RBFOX1: variants seen among roughly 807,000 people sequenced by gnomAD.
The protein encoded by RBFOX1 is RNA binding fox-1 homolog 1.
A neutral mutation model predicts 57.7 loss-of-function variants in RBFOX1; 8 were observed. The ratio of observed to expected loss-of-function variants is 0.14; its 90% CI spans 0.08 to 0.25. The LOEUF (loss-of-function observed/expected upper bound fraction) is 0.25. RBFOX1 is among the 10% of genes least tolerant of loss of function. The pLI is 1.00. For synonymous variants in RBFOX1, 326 were observed against 222.4 expected (o/e 1.47, Z -4.15); for missense variants, 611 against 548.5 (o/e 1.11, Z -1.14).
At chr16:7,466,855 G>A (rs986695698) in intron 4 of RBFOX1, among the ~76,000 whole-genome samples, 4 of 152,156 alleles carry the variant, frequency 2.6e-5, no homozygotes, top group Non-Finnish European at 5.9e-5. Context: ...GGACAAATTA[G>A]AGCAGGAAGA....
At chr16:7,029,650 C>T (rs1258591373) in intron 3 of RBFOX1, among the ~76,000 whole-genome samples, 7 of 152,018 alleles carry the variant, frequency 4.6e-5, no homozygotes, top group South Asian at 2.1e-4. Context: ...ATTTGAAATG[C>T]GGAAATAGGA....
At chr16:5,813,118 C>A (rs2055493934) in intron 3 of RBFOX1, among the ~76,000 whole-genome samples, 1 of 151,860 alleles carries the variant, frequency 6.6e-6, no homozygotes, top group Non-Finnish European at 1.5e-5. Context: ...AGTGATTCTC[C>A]TGCCTCAGCC....
At chr16:5,842,755 T>C (rs2056656657) in intron 3 of RBFOX1, among the ~76,000 whole-genome samples, 1 of 152,154 alleles carries the variant, frequency 6.6e-6, no homozygotes, top group Non-Finnish European at 1.5e-5. Context: ...TGGGACTCCA[T>C]TGACTGAACA....
At position 7,290,375 on chromosome 16, in the gene RBFOX1, G is replaced by A. The variant is rs199574661; in HGVS notation, c.28-227772G>A. Among the ~76,000 whole-genome samples, 5 of 152,250 alleles carry A rather than the reference G, an allele frequency of 3.3e-5. No homozygotes were observed. The East Asian group carries it at 9.7e-4, about 29-fold the overall frequency. The stretch of plus-strand genomic sequence containing the variant: ...ATGCTGGTTCACACACTGATACTGA[G>A]ATGCAGAAGGTAATTTTTTAACCAG... On this transcript the variant is annotated intron_variant, in intron 4 of 15. Coordinates refer to ENST00000550418, the MANE Select transcript of RBFOX1 (RefSeq NM_018723.4).
chr16:6,880,680 G>A (rs961645598), intron 3 of RBFOX1, among the ~76,000 whole-genome samples: 1 of 152,188 alleles, frequency 6.6e-6, no homozygotes, highest in African/African-American at 2.4e-5. Flanking sequence ...GATAAAAAGA[G>A]CACTGAGCTG....
intron 1 of RBFOX1, among the ~76,000 whole-genome samples, chr16:6,273,869 C>G (rs962482830): frequency 8.6e-5 from 13 of 151,998 alleles, no homozygotes; most frequent in Admixed American, 5.2e-4. Context: ...CCAAAAAAAT[C>G]AAGCAGTGAG....
chr16:5,940,015 A>T (rs2059247984), intron 4 of RBFOX1, among the ~76,000 whole-genome samples: 1 of 152,248 alleles, frequency 6.6e-6, no homozygotes, highest in Non-Finnish European at 1.5e-5. Context: ...AATGGGGCAG[A>T]TGCCATCTTC....
chr16:6,723,681 G>C (rs1040593156), intron 3 of RBFOX1: 2 of 152,104 alleles, frequency 1.3e-5, no homozygotes, highest in African/African-American at 4.8e-5. Flanking sequence ...CAAATAGTCT[G>C]ATTTTGAAAA....
intron 4 of RBFOX1, among the ~76,000 whole-genome samples, chr16:7,492,122 C>A (rs1413636836): frequency 1.3e-5 from 2 of 152,160 alleles, no homozygotes; most frequent in Non-Finnish European, 1.5e-5. Flanking sequence ...AAAGACTCTG[C>A]AATAAACAGA....
chr16:6,609,436 C>T (rs983648172), intron 2 of RBFOX1, among the ~76,000 whole-genome samples: 1 of 152,096 alleles, frequency 6.6e-6, no homozygotes, highest in Non-Finnish European at 1.5e-5. Context: ...TCTCCTCTGC[C>T]TCCCAGGCTC....
intron 2 of RBFOX1, among the ~76,000 whole-genome samples, chr16:5,514,244 G>C (rs1381113520): frequency 6.6e-6 from 1 of 152,206 alleles, no homozygotes; most frequent in Non-Finnish European, 1.5e-5. Flanking sequence ...GGCTGACCGT[G>C]GATGGGTTCA....
chr16:6,804,308 A>T (rs116006024), intron 3 of RBFOX1, among the ~76,000 whole-genome samples: 8,096 of 152,132 alleles, frequency 0.053, 341 homozygotes, highest in South Asian at 0.16. Context: ...CAGCCCTGCC[A>T]ATACATACAA....
At chr16:7,123,232 TGAG>T (rs1446108915) in intron 4 of RBFOX1, among the ~76,000 whole-genome samples, 2 of 152,220 alleles carry the variant, frequency 1.3e-5, no homozygotes, top group South Asian at 4.1e-4. Context: ...ATAGATTATA[TGAG>T]GATAAAGTCT....
At chr16:6,671,133 CTTA>C (rs1364677844) in intron 3 of RBFOX1, among the ~76,000 whole-genome samples, 2 of 152,164 alleles carry the variant, frequency 1.3e-5, no homozygotes. Context: ...CTCATTATTT[CTTA>C]TTATTCCAGT....
intron 4 of RBFOX1, among the ~76,000 whole-genome samples, chr16:5,867,549 G>A (rs1158379316): frequency 6.6e-6 from 1 of 152,064 alleles, no homozygotes; most frequent in East Asian, 1.9e-4. Flanking sequence ...TGGTAAAGAT[G>A]GTGCAGGGTG....
intron 1 of RBFOX1, among the ~76,000 whole-genome samples, chr16:6,154,451 A>T (rs2096824687): frequency 6.6e-6 from 1 of 152,228 alleles, no homozygotes; most frequent in East Asian, 1.9e-4. Context: ...ATTGCATCTG[A>T]ATAAGCCAGG....
intron 1 of RBFOX1, among the ~76,000 whole-genome samples, chr16:5,251,323 G>A (rs2062445700): frequency 6.6e-6 from 1 of 152,258 alleles, no homozygotes; most frequent in African/African-American, 2.4e-5. Flanking sequence ...GCTGCCATGA[G>A]GGTTCAGTGA....
rs74906922 is a variant in RBFOX1 at position 5,559,304 on chromosome 16, A to C, written c.259-39598A>C. Among the ~76,000 whole-genome samples the C allele has an allele frequency of 2.0e-3, 312 of 152,198 alleles. 2 individuals are homozygous for C. Among genetic ancestry groups the C allele is most frequent in the Non-Finnish European group, 3.8e-3 (257 of 68,024 alleles). On this transcript the variant is annotated intron_variant, in intron 2 of 2. Transcript: ENST00000585867. ...TGGTTTGTATATTTTTTGATTTATAAATTCCATGACGTACATCTTAAGGAT... is the reference window on the plus strand; with the variant it reads ...TGGTTTGTATATTTTTTGATTTATACATTCCATGACGTACATCTTAAGGAT...
intron 3 of RBFOX1, among the ~76,000 whole-genome samples, chr16:5,803,580 A>G (rs1207489797): frequency 6.6e-6 from 1 of 152,088 alleles, no homozygotes; most frequent in Non-Finnish European, 1.5e-5. Flanking sequence ...TCATTCTCTC[A>G]CTCCACAAAG....
Sources: gnomAD v4.1 joint callset for allele counts (sites outside exome capture counted in the v4.1 genomes callset) on GRCh38, gnomAD v4.1.1 for gene constraint, MANE v1.5 for transcripts, NCBI Gene and HGNC (gene_info 2026-07-23, HGNC 2026-07-21) for gene names.